FOXP1: variants seen among roughly 807,000 people sequenced by gnomAD.
FOXP1 encodes the protein forkhead box P1.
In FOXP1, 15 loss-of-function variants were observed where a neutral mutation model predicts 98.2. The ratio of observed to expected loss-of-function variants is 0.15; its 90% confidence interval spans 0.10 to 0.24. The LOEUF (loss-of-function observed/expected upper bound fraction) is 0.24, where lower values mean the gene tolerates loss of function less well. FOXP1 is among the 10% of genes least tolerant of loss of function. The pLI is 1.00. For synonymous variants in FOXP1, 371 were observed against 314.5 expected (o/e 1.18, Z -1.90); for missense variants, 633 against 848.5 (o/e 0.75, Z 3.15).
At chr3:71,492,464 G>GA (rs1161626347) in intron 3 of FOXP1, among the ~76,000 whole-genome samples, 3 of 148,604 alleles carry the variant, frequency 2.0e-5, no homozygotes, top group Non-Finnish European at 4.5e-5. Context: ...AAAAAAAAAA[G>GA]AAAAAAAATC....
rs544918478 is a variant in FOXP1, at chr3:71,508,394, C to T, written c.-297-14839G>A. 8.5e-5 allele frequency among the ~76,000 whole-genome samples: 13 copies of T among 152,296 alleles called. No individual in the cohort carries two copies. In the East Asian group the frequency reaches 2.1e-3, roughly 25 times the overall value. Reference sequence around the variant, plus strand: ...TCCCTCACTGTGACAGAAGCAGATGCTAGGCAGGCGCTGGGCTCGTGAGGG... The same window carrying T: ...TCCCTCACTGTGACAGAAGCAGATGTTAGGCAGGCGCTGGGCTCGTGAGGG... On this transcript the variant is annotated intron_variant, in intron 2 of 20. Transcript: ENST00000649528.
intron 5 of FOXP1, among the ~76,000 whole-genome samples, chr3:71,277,967 G>C (rs2071090182): frequency 6.6e-6 from 1 of 152,056 alleles, no homozygotes. Context: ...TGGCACGCAG[G>C]AAAAGCCCAA....
chr3:70,956,184 C>T lies in FOXP1; in HGVS notation c.*3063G>A, dbSNP rs975237178. 2.6e-5 allele frequency: 6 copies of T among 233,276 alleles called. No homozygotes were observed. The South Asian group carries it at 9.1e-4, about 35-fold the overall frequency. The allele number at this position is 233,276 out of a possible 1,614,324, so 14.5% of individuals were successfully genotyped here. ...GAACAATATCTAAAAAAAGAACCGC[C>T]CTCTGCCCTCCCCCAAAAAAGACAA... On this transcript the variant is annotated 3_prime_UTR_variant, in exon 21 of 21. Coordinates refer to ENST00000649528, the MANE Select transcript of FOXP1 (RefSeq NM_001349338.3).
intron 6 of FOXP1, among the ~76,000 whole-genome samples, chr3:71,181,858 C>T (rs2062317119): frequency 6.6e-6 from 1 of 151,758 alleles, no homozygotes; most frequent in African/African-American, 2.4e-5. Flanking sequence ...TGGTGAAACC[C>T]TATCTCTACT....
chr3:71,583,937 A>G (rs1449059762), upstream of FOXP1: 1 of 956,432 alleles, frequency 1.0e-6, no homozygotes, highest in Non-Finnish European at 1.2e-6. Context: ...CGGCCCCCCG[A>G]GCGGGAGCGG....
At chr3:70,981,168 C>T (rs1196840379) in intron 14 of FOXP1, among the ~76,000 whole-genome samples, 2 of 136,412 alleles carry the variant, frequency 1.5e-5, no homozygotes, top group Non-Finnish European at 3.0e-5. Flanking sequence ...TTACCAAGAT[C>T]GCACCACTAG....
chr3:71,304,517 T>TA (rs2074110837), intron 4 of FOXP1, among the ~76,000 whole-genome samples: 1 of 152,236 alleles, frequency 6.6e-6, no homozygotes, highest in African/African-American at 2.4e-5. Context: ...CATGGAAAGT[T>TA]AAAGTACCTG....
intron 3 of FOXP1, among the ~76,000 whole-genome samples, chr3:71,424,525 T>A (rs1426928256): frequency 6.6e-6 from 1 of 152,120 alleles, no homozygotes; most frequent in Non-Finnish European, 1.5e-5. Flanking sequence ...ACCATGGAAA[T>A]TAGGTGGTTC....
intron 7 of FOXP1, among the ~76,000 whole-genome samples, chr3:71,080,530 CATT>C (rs1203305451): frequency 6.6e-6 from 1 of 152,230 alleles, no homozygotes; most frequent in Non-Finnish European, 1.5e-5. Context: ...AACTTTGTCG[CATT>C]ATTACACGAT....
In FOXP1 at chr3:70,992,437, G is replaced by T. The variant is rs181174722; in HGVS notation, c.1063-4360C>A. On this transcript the variant is annotated intron_variant, in intron 13 of 20. Transcript: ENST00000649528. ...ATGAAAAGAAGAAAAACAAGGGGGA[G>T]AAAAAGCAGTGACTAGAAGGAGCAG... is the stretch of plus-strand genomic sequence containing the variant. 1.7e-3 allele frequency among the ~76,000 whole-genome samples: 257 copies of T among 152,228 alleles called. 2 individuals are homozygous for T. Among genetic ancestry groups the T allele is most frequent in the Admixed American group, 4.0e-3 (61 of 15,294 alleles).
At chr3:71,049,447 C>T (rs1284342117) in intron 9 of FOXP1, among the ~76,000 whole-genome samples, 2 of 152,092 alleles carry the variant, frequency 1.3e-5, no homozygotes, top group Non-Finnish European at 2.9e-5. Context: ...ATCCTCTCTT[C>T]CTCCCCTACC....
At chr3:71,226,837 A>T (rs972417481) in intron 5 of FOXP1, among the ~76,000 whole-genome samples, 14 of 152,078 alleles carry the variant, frequency 9.2e-5, no homozygotes, top group African/African-American at 2.4e-4. Context: ...CAAGGGCACT[A>T]AGTGCGCTGT....
intron 6 of FOXP1, among the ~76,000 whole-genome samples, chr3:71,152,746 C>T (rs7632470): frequency 0.36 from 55,048 of 152,074 alleles, 10,572 homozygotes; most frequent in East Asian, 0.69. Flanking sequence ...TTAAAAGAGA[C>T]AACACTCAGA....
intron 5 of FOXP1, among the ~76,000 whole-genome samples, chr3:71,216,086 T>A (rs190888723): frequency 1.3e-5 from 2 of 152,300 alleles, no homozygotes; most frequent in Admixed American, 1.3e-4. Context: ...AAAACTGGAC[T>A]GAACAGGAAT....
At chr3:71,096,937 A>T (rs934479292) in intron 7 of FOXP1, among the ~76,000 whole-genome samples, 22 of 152,138 alleles carry the variant, frequency 1.4e-4, no homozygotes, top group Non-Finnish European at 2.6e-4. Flanking sequence ...AAACTAACAC[A>T]ATGAAAAGGA....
At chr3:71,086,664 A>T (rs1215402601) in intron 7 of FOXP1, among the ~76,000 whole-genome samples, 1 of 152,162 alleles carries the variant, frequency 6.6e-6, no homozygotes, top group African/African-American at 2.4e-5. Flanking sequence ...GTCTCACCGG[A>T]TATTTTCCAG....
chr3:71,426,653 G>T (rs759304140), intron 3 of FOXP1, among the ~76,000 whole-genome samples: 1 of 152,146 alleles, frequency 6.6e-6, no homozygotes, highest in Non-Finnish European at 1.5e-5. Context: ...TGCCTAAAAG[G>T]CTCTTTCTCA....
intron 3 of FOXP1, among the ~76,000 whole-genome samples, chr3:71,389,613 A>G (rs1015600802): frequency 6.6e-6 from 1 of 152,222 alleles, no homozygotes; most frequent in Non-Finnish European, 1.5e-5. Flanking sequence ...GAGAGATGCA[A>G]GAGAATATGA....
intron 4 of FOXP1, among the ~76,000 whole-genome samples, chr3:71,350,812 T>C (rs2077726869): frequency 1.3e-5 from 2 of 152,160 alleles, no homozygotes; most frequent in Admixed American, 6.5e-5. Flanking sequence ...TACATAAACA[T>C]AGTTCACTTT....
Sources: gnomAD v4.1 joint callset for allele counts (sites outside exome capture counted in the v4.1 genomes callset) on GRCh38, gnomAD v4.1.1 for gene constraint, MANE v1.5 for transcripts, NCBI Gene and HGNC (gene_info 2026-07-23, HGNC 2026-07-21) for gene names.